The following CSMD1 variants were observed in gnomAD, a reference collection of about 807,000 sequenced individuals.
The protein encoded by CSMD1 is CUB and Sushi multiple domains 1.
Under a neutral mutation model 417.5 loss-of-function variants are expected in CSMD1, and 213 were observed. The ratio of observed to expected loss-of-function variants is 0.51; its 90% CI spans 0.46 to 0.57. CSMD1 has a LOEUF of 0.57. Among genes scored for constraint, CSMD1 ranks in the 20% least tolerant of loss-of-function variants. The pLI is 0.00. For missense variants in CSMD1, 6,923 were observed against 4,529.7 expected (o/e 1.53, Z -15.17); for synonymous variants, 2,862 against 1,736.8 (o/e 1.65, Z -16.11).
chr8:3,360,961 C>T (rs1051854381), intron 20 of CSMD1, among the ~76,000 whole-genome samples: 2 of 151,996 alleles, frequency 1.3e-5, no homozygotes, highest in African/African-American at 4.8e-5. Context: ...CTAAACACTT[C>T]CTTCATCTCA....
intron 1 of CSMD1, among the ~76,000 whole-genome samples, chr8:4,687,064 C>A (rs11991582): frequency 1.3e-5 from 2 of 152,186 alleles, no homozygotes; most frequent in African/African-American, 2.4e-5. Flanking sequence ...TGAGGCTGAG[C>A]TTCAGGCGAG....
intron 5 of CSMD1, among the ~76,000 whole-genome samples, chr8:3,830,998 A>G (rs932224083): frequency 6.6e-6 from 1 of 152,130 alleles, no homozygotes; most frequent in African/African-American, 2.4e-5. Context: ...TCCTTCACCA[A>G]AAAATTTCTG....
intron 18 of CSMD1, among the ~76,000 whole-genome samples, chr8:3,382,632 T>C (rs1453727290): frequency 6.9e-6 from 1 of 144,390 alleles, no homozygotes; most frequent in Non-Finnish European, 1.5e-5. Flanking sequence ...AATATAAATA[T>C]CTCTCTCTAT....
At chr8:4,490,042 T>A (rs1301002272) in intron 2 of CSMD1, among the ~76,000 whole-genome samples, 1 of 22,774 alleles carries the variant, frequency 4.4e-5, no homozygotes. Context: ...GGTACCAATT[T>A]TTTTTTTTTT....
rs570433236 is a variant in CSMD1 at position 4,225,660 on chromosome 8, G to A, written c.416-193561C>T. 2.1e-4 allele frequency among the ~76,000 whole-genome samples: 32 copies of A among 152,188 alleles called. No homozygotes were observed. In the East Asian group the frequency reaches 2.7e-3, roughly 13 times the overall value. On this transcript the variant is annotated intron_variant, in intron 3 of 69. Transcript: ENST00000635120. The stretch of plus-strand genomic sequence containing the variant: ...ATCATAACCAGAGAAATTAAAAGCA[G>A]GAAAGTGGTGATGCCTTAGGAAACT...
At chr8:3,838,575 ATATATC>A (rs1802862350) in intron 5 of CSMD1, among the ~76,000 whole-genome samples, 1 of 142,354 alleles carries the variant, frequency 7.0e-6, no homozygotes, top group Non-Finnish European at 1.5e-5. Context: ...TAGTCTCTCT[ATATATC>A]TATAGTCCCT....
At chr8:3,881,468 C>G (rs1339238578) in intron 5 of CSMD1, among the ~76,000 whole-genome samples, 1 of 151,396 alleles carries the variant, frequency 6.6e-6, no homozygotes, top group East Asian at 1.9e-4. Flanking sequence ...AACCCTGTCT[C>G]TACTAAAAAT....
At chr8:3,857,222 G>T (rs1000553744) in intron 5 of CSMD1, among the ~76,000 whole-genome samples, 1 of 152,140 alleles carries the variant, frequency 6.6e-6, no homozygotes, top group Admixed American at 6.6e-5. Context: ...GTAATTAATT[G>T]ATACAACCTA....
At chr8:3,073,342 G>C (rs1813437628) in intron 49 of CSMD1, among the ~76,000 whole-genome samples, 1 of 152,070 alleles carries the variant, frequency 6.6e-6, no homozygotes. Flanking sequence ...AAAAAAATTA[G>C]TGGAGAAAAT....
chr8:3,632,534 G>T (rs28685179), intron 7 of CSMD1, among the ~76,000 whole-genome samples: 4,230 of 152,256 alleles, frequency 0.028, 195 homozygotes, highest in African/African-American at 0.095. Context: ...GTATTGGTTA[G>T]AACAAGTGGG....
At chr8:4,708,248 C>A (rs1207094187) in intron 1 of CSMD1, among the ~76,000 whole-genome samples, 3 of 152,150 alleles carry the variant, frequency 2.0e-5, no homozygotes. Context: ...CTGCATCTGG[C>A]CTTCAGTGTG....
chr8:3,487,482 T>C (rs1358111752), intron 11 of CSMD1, among the ~76,000 whole-genome samples: 1 of 152,188 alleles, frequency 6.6e-6, no homozygotes, highest in Non-Finnish European at 1.5e-5. Context: ...ATTACAGGCA[T>C]GAGCCACCAT....
At chr8:2,999,650 T>C (rs889762670) in intron 53 of CSMD1, among the ~76,000 whole-genome samples, 5 of 152,252 alleles carry the variant, frequency 3.3e-5, no homozygotes, top group African/African-American at 1.2e-4. Context: ...CAGTTTATCC[T>C]GTGATAAAAT....
rs139188884 is a variant in CSMD1 at position 4,870,460 on chromosome 8, T to C, written c.85+123872A>G. On this transcript the variant is annotated intron_variant, in intron 1 of 69. Transcript: ENST00000635120. ...CATAACTTGAATGCACTGAAATGTA[T>C]AGAGCCAGTCTTTCTTTTGATAGAC... is the stretch of plus-strand genomic sequence containing the variant. 4.3e-3 allele frequency among the ~76,000 whole-genome samples: 654 copies of C among 152,274 alleles called. 5 individuals are homozygous for C. The highest frequency in any genetic ancestry group is 6.8e-3 in the Middle Eastern group (2 of 294).
At chr8:4,732,375 GTGTGTGTA>G (rs1204348369) in intron 1 of CSMD1, among the ~76,000 whole-genome samples, 173 of 150,248 alleles carry the variant, frequency 1.2e-3, no homozygotes, top group African/African-American at 3.7e-3. Flanking sequence ...GTGTGTGTGT[GTGTGTGTA>G]GTGTTTTTCC....
chr8:3,679,235 C>A lies in CSMD1; in HGVS notation c.1009+29179G>T, dbSNP rs558511959. 6.6e-5 allele frequency among the ~76,000 whole-genome samples: 10 copies of A among 152,222 alleles called. No individual in the cohort carries two copies. The East Asian group carries it at 1.2e-3, about 18-fold the overall frequency. ...AAATGCTCCAATTACAAGACGCAGA[C>A]TGGCAAATTGGATAAAGAGTCAAGA... On this transcript the variant is annotated intron_variant, in intron 7 of 69. Coordinates refer to ENST00000635120, the MANE Select transcript of CSMD1 (RefSeq NM_033225.6).
At chr8:3,361,090 C>A (rs1302677357) in intron 20 of CSMD1, among the ~76,000 whole-genome samples, 1 of 152,226 alleles carries the variant, frequency 6.6e-6, no homozygotes, top group East Asian at 1.9e-4. Flanking sequence ...TTGAGATATA[C>A]TTATTAATTT....
intron 4 of CSMD1, among the ~76,000 whole-genome samples, chr8:4,010,306 C>T (rs150855350): frequency 1.3e-5 from 2 of 152,146 alleles, no homozygotes; most frequent in African/African-American, 4.8e-5. Flanking sequence ...AATCTGGCAC[C>T]CTCTGCCTTG....
intron 3 of CSMD1, among the ~76,000 whole-genome samples, chr8:4,108,001 G>A (rs900721322): frequency 6.6e-6 from 1 of 151,782 alleles, no homozygotes; most frequent in Non-Finnish European, 1.5e-5. Context: ...TAGAAAGTAA[G>A]GGAAAGACAG....
Sources: gnomAD v4.1 joint callset for allele counts (sites outside exome capture counted in the v4.1 genomes callset) on GRCh38, gnomAD v4.1.1 for gene constraint, MANE v1.5 for transcripts, NCBI Gene and HGNC (gene_info 2026-07-23, HGNC 2026-07-21) for gene names.